Variants in RETREG3 observed in about 807,000 individuals in gnomAD.
RETREG3 encodes reticulophagy regulator family member 3.
A neutral mutation model predicts 50.2 loss-of-function variants in RETREG3; 23 were observed. That is an observed-to-expected ratio of 0.46 (90% confidence interval 0.33 to 0.65). RETREG3 has a LOEUF of 0.65. Among genes scored for constraint, RETREG3 ranks in the 30% least tolerant of loss-of-function variants. RETREG3 has a pLI of 0.02. For missense variants in RETREG3, 546 were observed against 598.0 expected, an observed-to-expected ratio of 0.91 and a Z score of 0.91; for synonymous variants, 240 against 234.4, an observed-to-expected ratio of 1.02 and a Z score of -0.22.
At chr17:42,589,464 G>A (rs976960342) in intron 2 of RETREG3, among the ~76,000 whole-genome samples, 5 of 152,116 alleles carry the variant, frequency 3.3e-5, no homozygotes, top group East Asian at 3.9e-4. Flanking sequence ...GACAGGTGTC[G>A]CCCTGTTGTC....
chr17:42,595,175 G>A (rs945462878), intron 1 of RETREG3, among the ~76,000 whole-genome samples: 31 of 151,588 alleles, frequency 2.0e-4, no homozygotes, highest in African/African-American at 7.5e-4. Context: ...CACCATGTTG[G>A]CCAGGATGGT....
chr17:42,584,815 CAAA>C (rs71157643), intron 6 of RETREG3, among the ~76,000 whole-genome samples: 96 of 82,594 alleles, frequency 1.2e-3, no homozygotes, highest in African/African-American at 1.6e-3. Flanking sequence ...GACCCTGTCT[CAAA>C]AAAAAAAAAA....
At position 42,581,320 on chromosome 17, in the gene RETREG3, A is replaced by G. The variant is rs2093107961; in HGVS notation, c.*493T>C. On this transcript the variant is annotated 3_prime_UTR_variant, in exon 9 of 9. Transcript: ENST00000309428. ...AAGGCAGACGTTGCAGAAAGCCAAG[A>G]TCACACCACTGCACTCCAGCCTGGG... 1.3e-5 allele frequency: 2 copies of G among 153,214 alleles called. No individual in the cohort carries two copies. Among genetic ancestry groups the G allele is most frequent in the Admixed American group, 1.3e-4 (2 of 15,330 alleles). The allele number at this position is 153,214 out of a possible 1,614,324, so 9.5% of individuals were successfully genotyped here. A position where few individuals can be genotyped will look rare whatever the true frequency, so the allele number is the denominator to read the frequency against.
At chr17:42,593,080 A>T (rs2093136318) in intron 1 of RETREG3, among the ~76,000 whole-genome samples, 1 of 152,198 alleles carries the variant, frequency 6.6e-6, no homozygotes, top group Admixed American at 6.6e-5. Flanking sequence ...ACACTTCTTG[A>T]TTTATTTTGT....
In RETREG3 at chr17:42,582,779, A is replaced by G; in HGVS notation, c.838T>C (p.Leu280=). The change falls in exon 8 of 9, where the codon TTG becomes CTG. Residue 280 remains leucine, a synonymous_variant. Coordinates refer to ENST00000309428, the MANE Select transcript of RETREG3 (RefSeq NM_178126.4). ...GAGTGCTCAGAGTCTGTGATGGCCA[A>G]TTCCCTGGCAACAGTAGAATCGTCC... ...QLDDSTVARE[L]AITDSEHSDA... 1.9e-6 allele frequency: 3 copies of G among 1,614,222 alleles called. No individual in the cohort carries two copies. The highest frequency in any genetic ancestry group is 1.1e-5 in the South Asian group (1 of 91,084).
chr17:42,607,288 T>C (rs547118638), intron 1 of RETREG3, among the ~76,000 whole-genome samples: 40 of 150,942 alleles, frequency 2.7e-4, no homozygotes, highest in Non-Finnish European at 3.7e-4. Context: ...CACCAGAGCC[T>C]AGGAGTTCGA....
At chr17:42,609,056 G>A (rs920974927) in intron 1 of RETREG3, 30 bp downstream of exon 1, 21 of 1,592,376 alleles carry the variant, frequency 1.3e-5, no homozygotes, top group Middle Eastern at 1.7e-4. Context: ...TTCGGGACTC[G>A]GAGGGTTTCC....
At chr17:42,597,619 A>ATTTT (rs869223820) in intron 1 of RETREG3, among the ~76,000 whole-genome samples, 3 of 14,370 alleles carry the variant, frequency 2.1e-4, no homozygotes, top group African/African-American at 7.2e-4. Flanking sequence ...ATATATATAT[A>ATTTT]TTTTTTTTTT....
rs552890350 is a variant in RETREG3 at position 42,586,192 on chromosome 17, G to T, written c.505-55C>A. On this transcript the variant is annotated intron_variant, in intron 4 of 8. Transcript: ENST00000309428. ...CTGTCACATGGCAGGGGACTGGGGT[G>T]GGTGTGAAGGGTTAGGGTAGAGATA... 3.8e-5 allele frequency: 59 copies of T among 1,536,412 alleles called. No homozygotes were observed. The East Asian group carries it at 1.3e-3, about 34-fold the overall frequency.
chr17:42,591,265 T>G (rs2093132508), intron 2 of RETREG3, among the ~76,000 whole-genome samples: 1 of 152,188 alleles, frequency 6.6e-6, no homozygotes, highest in Non-Finnish European at 1.5e-5. Flanking sequence ...GGTGCTGGTC[T>G]ATAATTGTCA....
intron 1 of RETREG3, among the ~76,000 whole-genome samples, chr17:42,601,041 T>C (rs1280983589): frequency 2.6e-5 from 4 of 152,156 alleles, no homozygotes; most frequent in South Asian, 2.1e-4. Flanking sequence ...TTTGGGAGGC[T>C]GAAGCAGGTA....
At chr17:42,605,293 T>C (rs1334990819) in intron 1 of RETREG3, 1 of 151,784 alleles carries the variant, frequency 6.6e-6, no homozygotes, top group Non-Finnish European at 1.5e-5. Context: ...TCCTAATACC[T>C]CAAAATGCAT....
At chr17:42,586,305 C>A (rs1009517692) in intron 4 of RETREG3, 168 bp from the exon 5 acceptor site, 1 of 629,374 alleles carries the variant, frequency 1.6e-6, no homozygotes, top group South Asian at 1.9e-5. Flanking sequence ...AGGAGCATGT[C>A]CCCTTCTATT....
rs117153168 is a variant in RETREG3 at position 42,583,044 on chromosome 17, A to G, written c.811-238T>C. On this transcript the variant is annotated intron_variant, in intron 7 of 8. Transcript: ENST00000309428. ...TGACCCCTTTTAGGCTGCTCTCCCA[A>G]AGAAAACACTCATTCATAACCTCTT... Among the ~76,000 whole-genome samples, 837 of 152,256 alleles carry G rather than the reference A, an allele frequency of 5.5e-3. 46 individuals carry two copies. The South Asian group carries it at 0.098, about 18-fold the overall frequency.
intron 1 of RETREG3, among the ~76,000 whole-genome samples, chr17:42,605,972 C>T (rs1156643391): frequency 8.3e-6 from 1 of 121,202 alleles, no homozygotes; most frequent in Non-Finnish European, 1.6e-5. Flanking sequence ...GCCTGGGTGA[C>T]AGAGCGAGAC....
At chr17:42,607,393 T>C (rs2093169680) in intron 1 of RETREG3, among the ~76,000 whole-genome samples, 1 of 146,696 alleles carries the variant, frequency 6.8e-6, no homozygotes, top group African/African-American at 2.5e-5. Flanking sequence ...CCAGCTATTG[T>C]GGAGGCTGAG....
intron 1 of RETREG3, among the ~76,000 whole-genome samples, chr17:42,596,359 C>CA (rs60457978): frequency 3.1e-4 from 20 of 64,724 alleles, no homozygotes; most frequent in Non-Finnish European, 4.5e-4. Context: ...GACCCTTTCT[C>CA]AAAAAAAAAA....
chr17:42,601,936 A>C (rs1253803165), intron 1 of RETREG3, among the ~76,000 whole-genome samples: 1 of 152,088 alleles, frequency 6.6e-6, no homozygotes, highest in Non-Finnish European at 1.5e-5. Context: ...CGCCCAGCCA[A>C]AAGTTTCCAA....
chr17:42,587,807 A>G (rs2093124148), intron 3 of RETREG3, 27 bp downstream of exon 3: 2 of 1,613,940 alleles, frequency 1.2e-6, no homozygotes, highest in Non-Finnish European at 8.5e-7. Context: ...CAGAGCAACA[A>G]AAAGGGATTT....
Sources: allele counts gnomAD v4.1 joint callset (sites outside exome capture counted in the v4.1 genomes callset), GRCh38; gene constraint gnomAD v4.1.1; transcripts MANE v1.5; gene names NCBI Gene and HGNC (gene_info 2026-07-23, HGNC 2026-07-21).